The following DYSF variants were observed in gnomAD, a reference collection of about 807,000 sequenced individuals.
The protein encoded by DYSF is dystrophy-associated fer-1-like 1.
Under a neutral mutation model 274.9 loss-of-function variants are expected in DYSF, and 212 were observed. The observed-to-expected ratio is 0.77, with a 90% CI of 0.69 to 0.86. The LOEUF (loss-of-function observed/expected upper bound fraction) is 0.86. Ranked by LOEUF, DYSF falls within the 40% of genes least tolerant of loss-of-function variation. The probability of loss-of-function intolerance (pLI) is 0.00; values close to 1 mark genes in which losing one functional copy is unlikely to be tolerated. For missense variants in DYSF, 2,666 were observed against 2,783.2 expected (o/e 0.96, Z 0.95); for synonymous variants, 1,091 against 1,078.7 (o/e 1.01, Z -0.22).
At position 71,488,499 on chromosome 2, in the gene DYSF, T is replaced by G. The variant is rs534041254; in HGVS notation, c.239+6529T>G. Among the ~76,000 whole-genome samples the G allele has an allele frequency of 6.6e-5, 10 of 152,260 alleles. No individual in the cohort carries two copies. The South Asian group carries it at 2.1e-3, about 32-fold the overall frequency. On this transcript the variant is annotated intron_variant, in intron 3 of 55. Coordinates refer to ENST00000410020, the MANE Select transcript of DYSF (RefSeq NM_001130987.2). ...CGGTCCCCAAGACAGGGGGCCCAGATGCAACAAGGAAGCATACAGAACAAC... is the reference window on the plus strand; with the variant it reads ...CGGTCCCCAAGACAGGGGGCCCAGAGGCAACAAGGAAGCATACAGAACAAC...
At chr2:71,501,276 G>A (rs753773940) in intron 3 of DYSF, among the ~76,000 whole-genome samples, 21 of 152,236 alleles carry the variant, frequency 1.4e-4, no homozygotes, top group Non-Finnish European at 2.2e-4. Flanking sequence ...GACCTTGAGC[G>A]TATATTACAT....
chr2:71,453,799 C>T, exon 1 of DYSF: 1 of 617,298 alleles, frequency 1.6e-6, no homozygotes, highest in Non-Finnish European at 2.9e-6. Context: ...GGCGGGGACC[C>T]AGCCTAGCCC....
chr2:71,582,235 C>T (rs572941475), intron 30 of DYSF, among the ~76,000 whole-genome samples: 1 of 151,972 alleles, frequency 6.6e-6, no homozygotes, highest in Admixed American at 6.5e-5. Flanking sequence ...GACCCTATGG[C>T]CCACGAAGTC....
rs887232105 is a variant in DYSF, at chr2:71,569,949, C to A, written c.2979+15C>A. The A allele has an allele frequency of 1.9e-6, 3 of 1,609,906 alleles. No homozygotes were observed. The highest frequency in any genetic ancestry group is 1.7e-5 in the Admixed American group (1 of 59,912). Reference sequence around the variant, plus strand: ...ACACCGATGTGGTAAAGCAGGCACTCAGGGGCAGGTGGGGTCTAGACATTT... The same window carrying A: ...ACACCGATGTGGTAAAGCAGGCACTAAGGGGCAGGTGGGGTCTAGACATTT... On this transcript the variant is annotated intron_variant, in intron 27 of 55. Transcript: ENST00000410020.
At chr2:71,490,180 T>G (rs1449559866) in intron 3 of DYSF, among the ~76,000 whole-genome samples, 19 of 152,100 alleles carry the variant, frequency 1.2e-4, no homozygotes, top group Admixed American at 1.2e-3. Context: ...AACCAAAAAA[T>G]TTCACGGAAG....
intron 23 of DYSF, 72 bp from the exon 24 acceptor site, chr2:71,563,986 G>C: frequency 6.2e-7 from 1 of 1,604,498 alleles, no homozygotes; most frequent in Non-Finnish European, 8.5e-7. Flanking sequence ...TCAGAGGTCA[G>C]CTCACGGTGT....
intron 42 of DYSF, among the ~76,000 whole-genome samples, chr2:71,654,285 C>A (rs1030539177): frequency 7.9e-5 from 12 of 152,186 alleles, no homozygotes; most frequent in Non-Finnish European, 5.9e-5. Flanking sequence ...TGTGGGCACA[C>A]TTGAACACTG....
intron 20 of DYSF, 55 bp from the exon 21 acceptor site, chr2:71,553,752 A>AACCCC: frequency 7.5e-6 from 2 of 267,796 alleles, no homozygotes; most frequent in Non-Finnish European, 1.3e-5. Flanking sequence ...TTAGCACCCC[A>AACCCC]TCCCACCCGC....
Position 71,669,593 on chromosome 2 carries a change from A to C in DYSF, c.5643-12A>C. On this transcript the variant is annotated splice_polypyrimidine_tract_variant and intron_variant, in intron 50 of 55. Coordinates refer to ENST00000410020, the MANE Select transcript of DYSF (RefSeq NM_001130987.2). ...TTAATGAGAACTATTCTCTAAAAAC[A>C]TGTATGTCTAGTTGGATGATTGGCT... 2 of 1,614,194 alleles carry C rather than the reference A, an allele frequency of 1.2e-6. No individual in the cohort carries two copies. The highest frequency in any genetic ancestry group is 1.7e-6 in the Non-Finnish European group (2 of 1,180,022).
At chr2:71,528,207 T>C (rs2088192234) in intron 13 of DYSF, 91 bp from the exon 14 acceptor site, 10 of 1,169,708 alleles carry the variant, frequency 8.5e-6, no homozygotes, top group Non-Finnish European at 1.3e-5. Context: ...GCTCAGGTAG[T>C]CCCAGGACTG....
intron 3 of DYSF, among the ~76,000 whole-genome samples, chr2:71,491,839 G>GTC (rs1328333363): frequency 2.0e-5 from 3 of 152,098 alleles, no homozygotes; most frequent in Admixed American, 2.0e-4. Flanking sequence ...TTGATTCTAT[G>GTC]TCTTTACTAT....
At chr2:71,663,765 A>G (rs1000250834) in intron 45 of DYSF, among the ~76,000 whole-genome samples, 1 of 152,204 alleles carries the variant, frequency 6.6e-6, no homozygotes, top group Admixed American at 6.5e-5. Context: ...GAGTCCAGAA[A>G]GCAGGTCCCA....
intron 1 of DYSF, among the ~76,000 whole-genome samples, chr2:71,475,972 A>G (rs1331477631): frequency 2.0e-5 from 3 of 151,886 alleles, no homozygotes; most frequent in African/African-American, 7.3e-5. Context: ...GAGCCCCACT[A>G]TATTGCCCAG....
chr2:71,517,130 CTG>C (rs2086741769), intron 10 of DYSF, 91 bp downstream of exon 10: 1 of 1,183,406 alleles, frequency 8.5e-7, no homozygotes. Context: ...TCCAGAGATC[CTG>C]TGTTTCTCTG....
chr2:71,475,570 T>G (rs557402312), intron 1 of DYSF, among the ~76,000 whole-genome samples: 1 of 151,984 alleles, frequency 6.6e-6, no homozygotes, highest in Non-Finnish European at 1.5e-5. Flanking sequence ...GTGCTGGGTA[T>G]TGAAGAGTCA....
chr2:71,680,169 T>C (rs1002146694), intron 53 of DYSF, among the ~76,000 whole-genome samples: 5 of 152,238 alleles, frequency 3.3e-5, no homozygotes, highest in African/African-American at 1.2e-4. Flanking sequence ...TTTCTCTCTG[T>C]GTGTCAAAAT....
At chr2:71,529,719 T>A (rs978220786) in intron 14 of DYSF, among the ~76,000 whole-genome samples, 3 of 152,214 alleles carry the variant, frequency 2.0e-5, no homozygotes, top group African/African-American at 7.2e-5. Context: ...CTCAGCTACC[T>A]CTTATCTAAT....
intron 36 of DYSF, among the ~76,000 whole-genome samples, chr2:71,607,092 T>C (rs964250274): frequency 3.9e-5 from 6 of 152,106 alleles, no homozygotes; most frequent in African/African-American, 1.4e-4. Flanking sequence ...GGGTGATGGA[T>C]TGATGTGTCT....
intron 41 of DYSF, among the ~76,000 whole-genome samples, chr2:71,641,673 C>T (rs936475063): frequency 2.0e-5 from 3 of 152,134 alleles, no homozygotes; most frequent in African/African-American, 7.2e-5. Context: ...GGCTTAGCTA[C>T]AACTCGTACG....
Sources: allele counts gnomAD v4.1 joint callset (sites outside exome capture counted in the v4.1 genomes callset), GRCh38; gene constraint gnomAD v4.1.1; transcripts MANE v1.5; gene names NCBI Gene and HGNC (gene_info 2026-07-23, HGNC 2026-07-21).